The following NCALD variants were observed in gnomAD, a reference collection of about 807,000 sequenced individuals.
The protein encoded by NCALD is neurocalcin-delta.
In NCALD, 10 loss-of-function variants were observed where a neutral mutation model predicts 18.6. That is an observed-to-expected ratio of 0.54 (90% CI 0.33 to 0.91). The LOEUF (loss-of-function observed/expected upper bound fraction) is 0.91. Ranked by LOEUF, NCALD falls within the 40% of genes least tolerant of loss-of-function variation. The pLI is 0.03. For missense variants in NCALD, 184 were observed against 247.6 expected (o/e 0.74, Z 1.72); for synonymous variants, 88 against 87.4 (o/e 1.01, Z -0.04).
chr8:101,717,775 A>C (rs796244838), intron 2 of NCALD, among the ~76,000 whole-genome samples: 15 of 152,286 alleles, frequency 9.8e-5, no homozygotes, highest in African/African-American at 3.6e-4. Context: ...GGGAGGGAAA[A>C]AACAACAACA....
chr8:102,075,446 TATA>T (rs1314719659), intron 1 of NCALD, among the ~76,000 whole-genome samples: 4 of 152,226 alleles, frequency 2.6e-5, no homozygotes, highest in Non-Finnish European at 5.9e-5. Flanking sequence ...TGTCTAATAC[TATA>T]ATATTATACA....
chr8:102,082,226 C>CTTTTTTTTTTTTTTT (rs757875219), intron 1 of NCALD, among the ~76,000 whole-genome samples: 2 of 71,832 alleles, frequency 2.8e-5, no homozygotes, highest in Admixed American at 1.7e-4. Context: ...GAAGCTCTCT[C>CTTTTTTTTTTTTTTT]TTTTTTTTTT....
intron 1 of NCALD, chr8:102,029,079 A>T (rs970286293): frequency 6.6e-6 from 1 of 152,238 alleles, no homozygotes; most frequent in Admixed American, 6.5e-5. Flanking sequence ...GAGGAATTTT[A>T]AAATAATGAT....
intron 1 of NCALD, among the ~76,000 whole-genome samples, chr8:102,066,808 CACA>C (rs1054523426): frequency 3.3e-5 from 5 of 152,176 alleles, no homozygotes; most frequent in African/African-American, 7.2e-5. Context: ...TCAACTAAAG[CACA>C]ACATTTCAGA....
chr8:102,075,180 AG>A (rs1386996030), intron 1 of NCALD, among the ~76,000 whole-genome samples: 1 of 152,240 alleles, frequency 6.6e-6, no homozygotes, highest in East Asian at 1.9e-4. Flanking sequence ...TAAGAAAGAA[AG>A]AGAACATATA....
intron 1 of NCALD, among the ~76,000 whole-genome samples, chr8:102,067,217 A>G (rs1179256229): frequency 1.3e-5 from 2 of 152,116 alleles, no homozygotes; most frequent in East Asian, 1.9e-4. Context: ...TCTTATTTCT[A>G]TGTGTGCTCA....
chr8:102,098,801 T>G (rs969958755), intron 1 of NCALD, among the ~76,000 whole-genome samples: 1 of 152,190 alleles, frequency 6.6e-6, no homozygotes, highest in Non-Finnish European at 1.5e-5. Context: ...CAGTTTCTTG[T>G]ACCATGATGG....
intron 1 of NCALD, among the ~76,000 whole-genome samples, chr8:102,072,057 G>A (rs537460158): frequency 1.3e-5 from 2 of 149,700 alleles, no homozygotes; most frequent in East Asian, 1.9e-4. Flanking sequence ...GGACTTAAAC[G>A]GCCAGACTTC....
At chr8:101,841,410 C>A (rs764580213) in intron 4 of NCALD, among the ~76,000 whole-genome samples, 17 of 152,198 alleles carry the variant, frequency 1.1e-4, no homozygotes, top group Admixed American at 2.0e-4. Flanking sequence ...GCATGAGTGA[C>A]AATTGTGCCA....
chr8:101,791,440 CT>C (rs1306874155), upstream of NCALD, among the ~76,000 whole-genome samples: 2 of 151,986 alleles, frequency 1.3e-5, no homozygotes, highest in African/African-American at 4.8e-5. Context: ...AAAACAGAAG[CT>C]CAGGGGGAGG....
intron 2 of NCALD, among the ~76,000 whole-genome samples, chr8:101,715,417 G>A (rs1270950229): frequency 6.6e-6 from 1 of 152,080 alleles, no homozygotes; most frequent in Non-Finnish European, 1.5e-5. Flanking sequence ...ACATAGGCAT[G>A]GGCAAAGACT....
intron 1 of NCALD, among the ~76,000 whole-genome samples, chr8:101,741,501 T>C (rs761239062): frequency 2.7e-4 from 41 of 152,026 alleles, no homozygotes; most frequent in Non-Finnish European, 5.1e-4. Flanking sequence ...AATATAGTCA[T>C]GTAATAAATG....
chr8:102,121,757 C>T (rs933976910), intron 1 of NCALD, among the ~76,000 whole-genome samples: 2 of 152,222 alleles, frequency 1.3e-5, no homozygotes, highest in Admixed American at 6.5e-5. Flanking sequence ...AAAGGACACA[C>T]CTCGAGGGCA....
chr8:102,081,398 T>C (rs1268248444), intron 1 of NCALD, among the ~76,000 whole-genome samples: 1 of 152,118 alleles, frequency 6.6e-6, no homozygotes, highest in Non-Finnish European at 1.5e-5. Flanking sequence ...AAAGCCCTTT[T>C]CATATAGAAA....
intron 4 of NCALD, among the ~76,000 whole-genome samples, chr8:101,842,096 G>A (rs1814665736): frequency 1.3e-5 from 2 of 152,184 alleles, no homozygotes; most frequent in African/African-American, 4.8e-5. Context: ...CCCTTGGCTT[G>A]TAGATGTCTG....
intron 4 of NCALD, among the ~76,000 whole-genome samples, chr8:101,821,047 T>TAC (rs1270718183): frequency 6.6e-6 from 1 of 152,192 alleles, no homozygotes; most frequent in Non-Finnish European, 1.5e-5. Flanking sequence ...CATGCACAAG[T>TAC]ACACACACGC....
At chr8:101,847,396 G>A (rs557209548) in intron 4 of NCALD, 7 of 204,302 alleles carry the variant, frequency 3.4e-5, no homozygotes, top group African/African-American at 1.6e-4. Context: ...ATATGGACAT[G>A]ATGCCTTCTA....
intron 1 of NCALD, among the ~76,000 whole-genome samples, chr8:102,082,282 G>GAGTGC (rs1311787302): frequency 3.6e-5 from 5 of 138,590 alleles, no homozygotes; most frequent in Admixed American, 2.2e-4. Flanking sequence ...GCCCAGGCTG[G>GAGTGC]AGTGCAGTGG....
At chr8:101,811,893 G>A (rs1813318089) in intron 4 of NCALD, among the ~76,000 whole-genome samples, 2 of 152,194 alleles carry the variant, frequency 1.3e-5, no homozygotes, top group Non-Finnish European at 2.9e-5. Context: ...TCAAGAACTA[G>A]CCCATGTGGC....
Sources: gnomAD v4.1 joint callset for allele counts (sites outside exome capture counted in the v4.1 genomes callset) on GRCh38, gnomAD v4.1.1 for gene constraint, MANE v1.5 for transcripts, NCBI Gene and HGNC (gene_info 2026-07-23, HGNC 2026-07-21) for gene names.